Variants in BPIFA2 observed in about 807,000 individuals in gnomAD.
BPIFA2 encodes BPI fold containing family A member 2.
In BPIFA2, 20 loss-of-function variants were observed where a neutral mutation model predicts 25.7. The observed-to-expected ratio is 0.78, with a 90% CI of 0.55 to 1.13. The LOEUF is 1.13. Among genes scored for constraint, BPIFA2 ranks in the 50% most tolerant of loss-of-function variants. BPIFA2 has a pLI of 0.00. For missense variants in BPIFA2, 300 were observed against 298.1 expected, an observed-to-expected ratio of 1.01 and a Z score of -0.05; for synonymous variants, 126 against 124.3, an observed-to-expected ratio of 1.01 and a Z score of -0.09.
chr20:33,171,364 G>C (rs6059143), intron 2 of BPIFA2, among the ~76,000 whole-genome samples: 1 of 151,834 alleles, frequency 6.6e-6, no homozygotes, highest in East Asian at 1.9e-4. Context: ...CTTCCTATCC[G>C]TGAGCATGGA....
At chr20:33,179,801 TC>T in intron 7 of BPIFA2, 134 bp downstream of exon 7, 1 of 891,774 alleles carries the variant, frequency 1.1e-6, no homozygotes, top group Non-Finnish European at 1.8e-6. Flanking sequence ...AGCCATGGCT[TC>T]CCCTCCACAG....
chr20:33,180,374 A>C (rs911641891), intron 7 of BPIFA2, 146 bp from the exon 8 acceptor site: 15 of 840,092 alleles, frequency 1.8e-5, no homozygotes, highest in East Asian at 9.7e-5. Context: ...ACAGATGAAC[A>C]AACTGAAGCT....
chr20:33,171,578 G>GAT (rs1338937482), intron 2 of BPIFA2, among the ~76,000 whole-genome samples: 1 of 152,080 alleles, frequency 6.6e-6, no homozygotes, highest in African/African-American at 2.4e-5. Context: ...GTGTGCAAAG[G>GAT]ATATGAACAG....
Position 33,172,256 on chromosome 20 carries a change from G to T in BPIFA2, c.158-676G>T, listed in dbSNP as rs372587066. Among the ~76,000 whole-genome samples the T allele has an allele frequency of 9.9e-5, 15 of 152,190 alleles. No individual in the cohort carries two copies. The South Asian group carries it at 2.3e-3, about 23-fold the overall frequency. On this transcript the variant is annotated intron_variant, in intron 2 of 8. Coordinates refer to ENST00000354932, the MANE Select transcript of BPIFA2 (RefSeq NM_080574.4). ...CCATTTGGGGGCTTGGGGGCAAGGT[G>T]GGGGAGAGAATTAGGACAAATACCT...
chr20:33,175,528 C>T lies in BPIFA2; in HGVS notation c.532C>T (p.Pro178Ser), dbSNP rs766694639. ...VAVLGECASDPTSISLSLLDK... is the reference protein window; with the variant it reads ...VAVLGECASDSTSISLSLLDK... The stretch of plus-strand genomic sequence containing the variant: ...CGTCCTGGGAGAATGCGCCAGTGAC[C>T]CAACCAGCATCTCACTTTCCTTGCT... The change falls in exon 5 of 9, where the codon CCA (proline) becomes TCA (serine). Residue 178 changes from proline to serine, a missense_variant. Pro to Ser is a moderately conservative substitution (Grantham distance 74). Transcript: ENST00000354932. The T allele has an allele frequency of 5.0e-6, 8 of 1,614,060 alleles. No homozygotes were observed. The Admixed American group carries it at 1.2e-4, about 24-fold the overall frequency.
intron 4 of BPIFA2, among the ~76,000 whole-genome samples, chr20:33,174,650 C>T (rs1344441483): frequency 6.6e-6 from 1 of 152,114 alleles, no homozygotes; most frequent in African/African-American, 2.4e-5. Context: ...GTGGCTTATA[C>T]CTGTAATCCC....
chr20:33,165,498 G>A (rs1015827245), upstream of BPIFA2, among the ~76,000 whole-genome samples: 15 of 152,186 alleles, frequency 9.9e-5, no homozygotes, highest in African/African-American at 3.6e-4. Flanking sequence ...AGCCTGGCTG[G>A]CCCCTCATGC....
intron 1 of BPIFA2, among the ~76,000 whole-genome samples, chr20:33,162,939 C>T (rs898884402): frequency 1.3e-5 from 2 of 152,218 alleles, no homozygotes; most frequent in African/African-American, 2.4e-5. Context: ...GGCACTGTGC[C>T]AGGGACAGCA....
chr20:33,168,335 A>T (rs529769380), intron 1 of BPIFA2, 126 bp downstream of exon 1: 3 of 155,830 alleles, frequency 1.9e-5, no homozygotes, highest in Non-Finnish European at 4.3e-5. Context: ...GATAATCAAT[A>T]TATCTCTAAA....
At chr20:33,177,539 A>G (rs1984121535) in intron 5 of BPIFA2, among the ~76,000 whole-genome samples, 1 of 152,086 alleles carries the variant, frequency 6.6e-6, no homozygotes, top group South Asian at 2.1e-4. Flanking sequence ...ACAGCTCCAA[A>G]TCCTCTCAGC....
At chr20:33,166,830 C>T (rs1167561822), upstream of BPIFA2, among the ~76,000 whole-genome samples, 2 of 152,240 alleles carry the variant, frequency 1.3e-5, no homozygotes, top group Non-Finnish European at 2.9e-5. Context: ...GCATCATGCT[C>T]AGCACCCTGG....
chr20:33,180,272 C>G (rs1984230816), intron 7 of BPIFA2, among the ~76,000 whole-genome samples: 1 of 152,010 alleles, frequency 6.6e-6, no homozygotes, highest in African/African-American at 2.4e-5. Flanking sequence ...CAAGTCCAGT[C>G]CCTTAGGCAG....
At chr20:33,178,587 C>T (rs1311620765) in intron 6 of BPIFA2, among the ~76,000 whole-genome samples, 4 of 152,114 alleles carry the variant, frequency 2.6e-5, no homozygotes, top group Non-Finnish European at 5.9e-5. Context: ...AAATTAATAT[C>T]ACATATCATA....
At position 33,175,542 on chromosome 20, in the gene BPIFA2, A is replaced by T. The variant is rs762603806; in HGVS notation, c.546A>T (p.Ser182=). The change falls in exon 5 of 9, where the codon TCA becomes TCT. Residue 182 remains serine (S), a synonymous_variant. Coordinates refer to ENST00000354932, the MANE Select transcript of BPIFA2 (RefSeq NM_080574.4). ...GCGCCAGTGACCCAACCAGCATCTC[A>T]CTTTCCTTGCTGGACAAGTAAGTCC... ...GECASDPTSI[S]LSLLDKHSQI... 2.5e-6 allele frequency: 4 copies of T among 1,614,030 alleles called. No individual in the cohort carries two copies. The highest frequency in any genetic ancestry group is 3.4e-6 in the Non-Finnish European group (4 of 1,179,972).
chr20:33,174,309 T>C (rs1438818346), intron 4 of BPIFA2, 123 bp downstream of exon 4: 3 of 800,980 alleles, frequency 3.7e-6, no homozygotes, highest in Admixed American at 4.0e-5. Context: ...TTTCCCAATC[T>C]GTGAGTGAGA....
chr20:33,178,180 C>A lies in BPIFA2; in HGVS notation c.597C>A (p.Ser199Arg). 1 of 1,607,568 alleles carries A rather than the reference C, an allele frequency of 6.2e-7. No individual in the cohort carries two copies. The highest frequency in any genetic ancestry group is 1.1e-5 in the South Asian group (1 of 90,306). Residue 199 changes from serine to arginine, a missense_variant, in exon 6 of 9, where the codon AGC becomes AGA. Physicochemically the swap from Ser to Arg is moderately radical, Grantham distance 110. Coordinates refer to ENST00000354932, the MANE Select transcript of BPIFA2 (RefSeq NM_080574.4). Reference sequence around the variant, plus strand: ...AAATCATCAACAAGTTCGTGAATAGCGTGATCAACACGCTGAAAAGCACTG... The same window carrying A: ...AAATCATCAACAAGTTCGTGAATAGAGTGATCAACACGCTGAAAAGCACTG... ...HSQIINKFVNSVINTLKSTVS... is the reference protein window; with the variant it reads ...HSQIINKFVNRVINTLKSTVS...
intron 5 of BPIFA2, among the ~76,000 whole-genome samples, chr20:33,176,511 C>G (rs1984082082): frequency 6.6e-6 from 1 of 152,208 alleles, no homozygotes; most frequent in Admixed American, 6.5e-5. Context: ...CCCTGAAAAC[C>G]AAAGAAAGTT....
intron 4 of BPIFA2, among the ~76,000 whole-genome samples, chr20:33,174,558 T>G (rs1055241853): frequency 2.0e-5 from 3 of 152,188 alleles, no homozygotes; most frequent in Non-Finnish European, 4.4e-5. Flanking sequence ...TACAGAAAAA[T>G]TCATACAATA....
In BPIFA2 at chr20:33,169,158, T is replaced by C; in HGVS notation, c.13T>C (p.Trp5Arg). 2.5e-6 allele frequency: 4 copies of C among 1,614,196 alleles called. No homozygotes were observed. The highest frequency in any genetic ancestry group is 3.4e-6 in the Non-Finnish European group (4 of 1,179,998). The change falls in exon 2 of 9, where the codon TGG becomes CGG. Residue 5 changes from tryptophan to arginine, a missense_variant. By Grantham distance (101) the Trp-to-Arg change is moderately radical. Transcript: ENST00000354932. The part of the protein sequence containing the change: MLQL[W>R]KLVLLCGVLT... ...GTCAAGACAAAAGATGCTTCAGCTT[T>C]GGAAACTTGTTCTCCTGTGCGGCGT... is the stretch of plus-strand genomic sequence containing the variant.
Sources: gnomAD v4.1 joint callset for allele counts (sites outside exome capture counted in the v4.1 genomes callset) on GRCh38, gnomAD v4.1.1 for gene constraint, MANE v1.5 for transcripts, NCBI Gene and HGNC (gene_info 2026-07-23, HGNC 2026-07-21) for gene names.